FAM163B: variants seen among roughly 807,000 people sequenced by gnomAD.
FAM163B encodes family with sequence similarity 163 member B.
A neutral mutation model predicts 7.6 loss-of-function variants in FAM163B; 4 were observed. That is an observed-to-expected ratio of 0.52 (90% confidence interval 0.26 to 1.20). FAM163B has a LOEUF of 1.20. Among genes scored for constraint, FAM163B ranks in the 50% most tolerant of loss-of-function variants. FAM163B has a pLI of 0.14. For missense variants in FAM163B, 250 were observed against 243.0 expected, an observed-to-expected ratio of 1.03 and a Z score of -0.19; for synonymous variants, 120 against 111.6, an observed-to-expected ratio of 1.07 and a Z score of -0.47.
At position 133,579,128 on chromosome 9, in the gene FAM163B, T is replaced by A. The variant is rs1418678239; in HGVS notation, c.395A>T (p.Glu132Val). The A allele has an allele frequency of 6.2e-7, 1 of 1,608,648 alleles. No individual in the cohort carries two copies. The highest frequency in any genetic ancestry group is 1.3e-5 in the African/African-American group (1 of 74,876). The stretch of plus-strand genomic sequence containing the variant: ...GCCCCCGAAGCCCCCCGGGGGCAGC[T>A]CCACGTCCTCCTGGCTCACGCTCTT... The part of the protein sequence containing the change: ...LYKSVSQEDV[E>V]LPPGGFGGLQ... Residue 132 changes from glutamate (E) to valine (V), a missense_variant, in exon 3 of 3, where the codon GAG (glutamate) becomes GTG (valine). Coordinates refer to ENST00000673969, the MANE Select transcript of FAM163B (RefSeq NM_001080515.3).
chr9:133,590,758 C>T (rs977669416), intron 1 of FAM163B, among the ~76,000 whole-genome samples: 2 of 152,154 alleles, frequency 1.3e-5, no homozygotes, highest in East Asian at 1.9e-4. Flanking sequence ...CAGCGTGGCC[C>T]GGAAACTCTG....
At chr9:133,586,208 G>C (rs1325293418) in intron 1 of FAM163B, 1 of 152,242 alleles carries the variant, frequency 6.6e-6, no homozygotes, top group Non-Finnish European at 1.5e-5. Flanking sequence ...AGTCTGCGGG[G>C]CCTGGAGGGC....
chr9:133,579,499 A>G, intron 2 of FAM163B, 70 bp from the exon 3 acceptor site: 1 of 1,485,118 alleles, frequency 6.7e-7, no homozygotes, highest in Non-Finnish European at 9.0e-7. Context: ...GGGAAAGGCT[A>G]CCCCTGACTG....
At chr9:133,581,431 A>C (rs946943905) in intron 1 of FAM163B, among the ~76,000 whole-genome samples, 2 of 152,148 alleles carry the variant, frequency 1.3e-5, no homozygotes, top group East Asian at 3.8e-4. Flanking sequence ...TTTTAAAGGA[A>C]ATCACAGAGC....
chr9:133,589,203 A>G (rs1181594939), intron 1 of FAM163B, among the ~76,000 whole-genome samples: 1 of 152,142 alleles, frequency 6.6e-6, no homozygotes, highest in Non-Finnish European at 1.5e-5. Context: ...TGCCTCACTC[A>G]AACACCCTGC....
chr9:133,599,975 GTC>G (rs146728307), intron 1 of FAM163B, among the ~76,000 whole-genome samples: 44,404 of 108,752 alleles, frequency 0.41, 7,045 homozygotes, highest in Middle Eastern at 0.49. Context: ...ATGTGTGTGT[GTC>G]TGTGTGCATA....
chr9:133,591,684 G>T (rs150862477), intron 1 of FAM163B, among the ~76,000 whole-genome samples: 1,807 of 152,320 alleles, frequency 0.012, 47 homozygotes, highest in African/African-American at 0.042. Flanking sequence ...TGCTGATGCA[G>T]CGGGCGCGGG....
rs112336027 is a variant in FAM163B, at chr9:133,606,759, TC to T, written c.-24+2317del. On this transcript the variant is annotated intron_variant, in intron 1 of 2. Coordinates refer to ENST00000673969, the MANE Select transcript of FAM163B (RefSeq NM_001080515.3). This position sits in a 1 kb window ranked among gnomAD's most constrained non-coding sequence, Gnocchi z 4.0. ...ACAAGGGCTCGGCTGCTGCTCTGCC[TC>T]CCCTCCTGCCCCGAGAGTTTAGAGT... 0.013 allele frequency among the ~76,000 whole-genome samples: 2,021 copies of T among 152,202 alleles called. 40 individuals are homozygous for T. Among genetic ancestry groups the T allele is most frequent in the African/African-American group, 0.045 (1,889 of 41,526 alleles).
Position 133,606,701 on chromosome 9 carries a change from G to A in FAM163B, c.-24+2376C>T, listed in dbSNP as rs936701605. ...GACTTGCTACTCTGAAGAGGGAAGT[G>A]GCGGTAGGGCCAGGAGCGGAGTGGA... On this transcript the variant is annotated intron_variant, in intron 1 of 2. Coordinates refer to ENST00000673969, the MANE Select transcript of FAM163B (RefSeq NM_001080515.3). This position sits in a 1 kb window ranked among gnomAD's most constrained non-coding sequence, Gnocchi z 4.0. Among the ~76,000 whole-genome samples the A allele has an allele frequency of 6.6e-6, 1 of 152,224 alleles. No individual in the cohort carries two copies. Among genetic ancestry groups the A allele is most frequent in the Non-Finnish European group, 1.5e-5 (1 of 68,036 alleles).
In FAM163B at chr9:133,578,769, C is replaced by T. The variant is rs76606131; in HGVS notation, c.*253G>A. On this transcript the variant is annotated 3_prime_UTR_variant, in exon 3 of 3. Coordinates refer to ENST00000673969, the MANE Select transcript of FAM163B (RefSeq NM_001080515.3). ...CTGAGAGCCCTGGTGCATGCCCAGCCGGCTGTATGGTCACCTGGTCCTTCT... is the reference window on the plus strand; with the variant it reads ...CTGAGAGCCCTGGTGCATGCCCAGCTGGCTGTATGGTCACCTGGTCCTTCT... 7.5e-5 allele frequency: 43 copies of T among 572,932 alleles called. No homozygotes were observed. Among genetic ancestry groups the T allele is most frequent in the Admixed American group, 7.4e-4 (20 of 27,128 alleles). 35.5% of individuals were successfully genotyped at this position (572,932 alleles called of 1,614,324 possible).
intron 1 of FAM163B, among the ~76,000 whole-genome samples, chr9:133,599,898 A>G (rs1831691125): frequency 7.2e-6 from 1 of 138,986 alleles, no homozygotes; most frequent in Non-Finnish European, 1.5e-5. Flanking sequence ...TGCATGTGCA[A>G]GTGTGGGTGT....
At chr9:133,580,279 C>T (rs1484396130) in intron 1 of FAM163B, 33 bp from the exon 2 acceptor site, 42 of 1,476,966 alleles carry the variant, frequency 2.8e-5, no homozygotes, top group Admixed American at 1.0e-4. Flanking sequence ...TAGAGCATCA[C>T]GCTTCCTCAC....
rs543988033 is a variant in FAM163B, at chr9:133,599,915, T to C, written c.-24+9162A>G. Among the ~76,000 whole-genome samples, 158 of 151,678 alleles carry C rather than the reference T, an allele frequency of 1.0e-3. 3 individuals are homozygous for C. The highest frequency in any genetic ancestry group is 4.1e-3 in the Admixed American group (62 of 15,230). On this transcript the variant is annotated intron_variant, in intron 1 of 2. Coordinates refer to ENST00000673969, the MANE Select transcript of FAM163B (RefSeq NM_001080515.3). ...CATGTGCAAGTGTGGGTGTGGTCTG[T>C]GTGCATGTGTGTGAGTGTGGTCTAT...
At position 133,590,049 on chromosome 9, in the gene FAM163B, T is replaced by TCCCCTTC. The variant is rs1351385875; in HGVS notation, c.-23-9804_-23-9803insGAAGGGG. 5.6e-5 allele frequency among the ~76,000 whole-genome samples: 2 copies of TCCCCTTC among 35,728 alleles called. 1 individual carries two copies. The highest frequency in any genetic ancestry group is 1.4e-4 in the Non-Finnish European group (2 of 14,450). 23.4% of individuals were successfully genotyped at this position (35,728 alleles called of 152,430 possible). On this transcript the variant is annotated intron_variant, in intron 1 of 2. Transcript: ENST00000673969. ...CTGCTGGACTTAAGTTCCCTTCCCT[T>TCCCCTTC]CCCTTCCCTTCCCTTCCCCTTCCCT...
At chr9:133,594,750 G>A (rs1831606078) in intron 1 of FAM163B, among the ~76,000 whole-genome samples, 1 of 152,142 alleles carries the variant, frequency 6.6e-6, no homozygotes, top group African/African-American at 2.4e-5. Context: ...AGTGTTAACA[G>A]GGGTGGCAGC....
At chr9:133,590,021 C>A (rs1831513937) in intron 1 of FAM163B, among the ~76,000 whole-genome samples, 1 of 150,874 alleles carries the variant, frequency 6.6e-6, no homozygotes, top group South Asian at 2.1e-4. Context: ...AAAACCCTCT[C>A]TGCTGCTGGA....
rs1236837339 is a variant in FAM163B at position 133,600,481 on chromosome 9, G to A, written c.-24+8596C>T. Among the ~76,000 whole-genome samples, 3 of 152,178 alleles carry A rather than the reference G, an allele frequency of 2.0e-5. No individual in the cohort carries two copies. The South Asian group carries it at 6.2e-4, about 32-fold the overall frequency. ...GGAGCCCAGGTCACCTGGCACTTAC[G>A]AGGGAAGCCCCAGATGGCCCCTGCA... On this transcript the variant is annotated intron_variant, in intron 1 of 2. Coordinates refer to ENST00000673969, the MANE Select transcript of FAM163B (RefSeq NM_001080515.3). This position sits in a 1 kb window ranked among gnomAD's most constrained non-coding sequence, Gnocchi z 4.9.
intron 1 of FAM163B, among the ~76,000 whole-genome samples, chr9:133,595,157 T>C (rs867149626): frequency 6.6e-6 from 1 of 152,138 alleles, no homozygotes; most frequent in African/African-American, 2.4e-5. Flanking sequence ...TTGTTTGTTA[T>C]GTTTTTGAGA....
At position 133,600,441 on chromosome 9, in the gene FAM163B, C is replaced by G. The variant is rs578171634; in HGVS notation, c.-24+8636G>C. ...ACCCCTGTTTCCCTGTGGTGCCACC[C>G]ACTCTCAGTTTAGTGGAGCCCAGGT... On this transcript the variant is annotated intron_variant, in intron 1 of 2. Transcript: ENST00000673969. This position sits in a 1 kb window ranked among gnomAD's most constrained non-coding sequence, Gnocchi z 4.9. 3.3e-5 allele frequency among the ~76,000 whole-genome samples: 5 copies of G among 152,290 alleles called. 1 individual carries two copies. Among genetic ancestry groups the G allele is most frequent in the Admixed American group, 6.5e-5 (1 of 15,290 alleles).
Sources: allele counts gnomAD v4.1 joint callset (sites outside exome capture counted in the v4.1 genomes callset), GRCh38; gene constraint gnomAD v4.1.1; non-coding constraint Gnocchi (gnomAD v3.1); transcripts MANE v1.5; gene names NCBI Gene and HGNC (gene_info 2026-07-23, HGNC 2026-07-21).